The following SLC18B1 variants were observed in gnomAD, a reference collection of about 807,000 sequenced individuals.
SLC18B1 encodes MFS-type transporter SLC18B1.
A neutral mutation model predicts 53.9 loss-of-function variants in SLC18B1; 62 were observed. That is an observed-to-expected ratio of 1.15 (90% CI 0.94 to 1.42). The LOEUF is 1.42. Ranked by LOEUF, SLC18B1 falls within the 40% of genes most tolerant of loss-of-function variation. The pLI, the probability that SLC18B1 is intolerant of heterozygous loss-of-function variation, is 0.00. For synonymous variants in SLC18B1, 217 were observed against 200.9 expected (o/e 1.08, Z -0.68); for missense variants, 598 against 547.3 (o/e 1.09, Z -0.93).
At position 132,773,001 on chromosome 6, in the gene SLC18B1, A is replaced by G. The variant is rs114476826; in HGVS notation, c.1077T>C (p.Ser359=). ...CAATGGAAGTAACTTACTGTGCACAACTGAGAATTTCCGGGAAAGTTGGAA... is the reference window on the plus strand; with the variant it reads ...CAATGGAAGTAACTTACTGTGCACAGCTGAGAATTTCCGGGAAAGTTGGAA... ...SIIPTFPEIL[S]CAHENGFEEG... is the part of the protein sequence containing the mutation. Residue 359 remains serine, a synonymous_variant, in exon 10 of 14, where the codon AGT becomes AGC. Coordinates refer to ENST00000275227, the MANE Select transcript of SLC18B1 (RefSeq NM_052831.3). The G allele has an allele frequency of 3.1e-4, 499 of 1,612,798 alleles. No homozygotes were observed. In the African/African-American group the frequency reaches 5.9e-3, roughly 19 times the overall value.
At position 132,784,017 on chromosome 6, in the gene SLC18B1, A is replaced by C. The variant is rs773720026; in HGVS notation, c.574T>G (p.Phe192Val). ...PPVGGFLYQSFGYEVPFIVLG... is the reference protein window; with the variant it reads ...PPVGGFLYQSVGYEVPFIVLG... ...ACAATAAAAGGCACTTCATAGCCAA[A>C]GGATTGATACAAAAAGCCACCTACA... The change falls in exon 6 of 14, where the codon TTT (phenylalanine) becomes GTT (valine). Residue 192 changes from phenylalanine to valine, a missense_variant. By Grantham distance (50) the Phe-to-Val change is conservative. Coordinates refer to ENST00000275227, the MANE Select transcript of SLC18B1 (RefSeq NM_052831.3). The C allele has an allele frequency of 6.2e-7, 1 of 1,611,390 alleles. No homozygotes were observed. The highest frequency in any genetic ancestry group is 1.1e-5 in the South Asian group (1 of 90,698).
At chr6:132,796,923 G>T in intron 2 of SLC18B1, 59 bp downstream of exon 2, 2 of 1,529,810 alleles carry the variant, frequency 1.3e-6, no homozygotes, top group Non-Finnish European at 1.8e-6. Flanking sequence ...AATTCAAAAG[G>T]CTTTTAAAAA....
rs761516941 is a variant in SLC18B1 at position 132,776,447 on chromosome 6, T to A, written c.796-18A>T. On this transcript the variant is annotated intron_variant, in intron 7 of 13. Coordinates refer to ENST00000275227, the MANE Select transcript of SLC18B1 (RefSeq NM_052831.3). ...AAATTGAACTGTAAAAGAAATCCTATATTAAAGTTACATAATTAAGTCATT... is the reference window on the plus strand; with the variant it reads ...AAATTGAACTGTAAAAGAAATCCTAAATTAAAGTTACATAATTAAGTCATT... 3.2e-6 allele frequency: 5 copies of A among 1,577,766 alleles called. No individual in the cohort carries two copies. The highest frequency in any genetic ancestry group is 3.5e-6 in the Non-Finnish European group (4 of 1,151,658).
At chr6:132,783,074 G>A (rs59215803) in intron 6 of SLC18B1, among the ~76,000 whole-genome samples, 6,591 of 151,698 alleles carry the variant, frequency 0.043, 244 homozygotes, top group African/African-American at 0.094. Flanking sequence ...TGCGCCTAGC[G>A]AAATAATAAC....
chr6:132,796,802 T>A (rs965353743), intron 2 of SLC18B1, among the ~76,000 whole-genome samples, 180 bp downstream of exon 2: 5 of 152,002 alleles, frequency 3.3e-5, no homozygotes, highest in African/African-American at 1.2e-4. Context: ...TTTGACTGGA[T>A]TTTTTTTCCT....
intron 2 of SLC18B1, among the ~76,000 whole-genome samples, chr6:132,794,379 C>T (rs1206386841): frequency 6.6e-6 from 1 of 151,986 alleles, no homozygotes; most frequent in African/African-American, 2.4e-5. Context: ...GCTGGGATTA[C>T]AGGCGTGAGC....
At chr6:132,772,741 ATTAC>A (rs1781008063) in intron 10 of SLC18B1, among the ~76,000 whole-genome samples, 1 of 152,164 alleles carries the variant, frequency 6.6e-6, no homozygotes. Context: ...GCTTTTCAAA[ATTAC>A]TTACATACTG....
chr6:132,774,029 T>G (rs1781040982), intron 9 of SLC18B1, among the ~76,000 whole-genome samples, 193 bp downstream of exon 9: 1 of 152,216 alleles, frequency 6.6e-6, no homozygotes, highest in Non-Finnish European at 1.5e-5. Context: ...ATTTTATGCA[T>G]TTTTTTCTGT....
intron 6 of SLC18B1, among the ~76,000 whole-genome samples, chr6:132,780,485 T>C (rs7765224): frequency 0.23 from 34,714 of 151,380 alleles, 6,346 homozygotes; most frequent in African/African-American, 0.51. Context: ...ATAAACATCA[T>C]GCAGTGTGGT....
In SLC18B1 at chr6:132,796,941, A is replaced by G. The variant is rs1286121258; in HGVS notation, c.183+41T>C. ...TCAAAAGGCTTTTAAAAAACAAACA[A>G]ACAAAAAAACAGAGGTCCTAAGGAT... On this transcript the variant is annotated intron_variant, in intron 2 of 13. Coordinates refer to ENST00000275227, the MANE Select transcript of SLC18B1 (RefSeq NM_052831.3). The G allele has an allele frequency of 1.9e-6, 3 of 1,558,336 alleles. No individual in the cohort carries two copies. The African/African-American group carries it at 4.2e-5, about 22-fold the overall frequency.
At chr6:132,778,814 C>T (rs973738472) in intron 7 of SLC18B1, among the ~76,000 whole-genome samples, 3 of 151,902 alleles carry the variant, frequency 2.0e-5, no homozygotes, top group Admixed American at 1.3e-4. Context: ...TTCTCAAATC[C>T]CAGAATAATA....
chr6:132,771,034 A>G lies in SLC18B1; in HGVS notation c.1254+2T>C. On this transcript the variant is annotated splice_donor_variant, in intron 12 of 13. Transcript: ENST00000275227. LOFTEE classifies it high-confidence loss of function. ...AATGCAAATAAAAGACTGATTACTC[A>G]CACTTATCAGAGCCCATAGACCTTG... 1 of 1,612,046 alleles carries G rather than the reference A, an allele frequency of 6.2e-7. No individual in the cohort carries two copies. Among genetic ancestry groups the G allele is most frequent in the Non-Finnish European group, 8.5e-7 (1 of 1,179,538 alleles).
At chr6:132,788,759 G>T (rs1036605158) in intron 4 of SLC18B1, among the ~76,000 whole-genome samples, 2 of 149,922 alleles carry the variant, frequency 1.3e-5, no homozygotes, top group Admixed American at 1.3e-4. Context: ...GGAGGTGGAG[G>T]TTGCAGTGAG....
At chr6:132,781,044 A>T (rs1462357703) in intron 6 of SLC18B1, among the ~76,000 whole-genome samples, 14 of 152,164 alleles carry the variant, frequency 9.2e-5, no homozygotes, top group Admixed American at 9.2e-4. Context: ...AATTGTATAT[A>T]CTAAGGATGT....
At chr6:132,792,229 A>G (rs138994218) in intron 2 of SLC18B1, among the ~76,000 whole-genome samples, 16 of 1,382 alleles carry the variant, frequency 0.012, no homozygotes, top group African/African-American at 0.042. Flanking sequence ...CACTGTCAGA[A>G]AGAAAGAAAG....
chr6:132,796,194 CA>C (rs11312283), intron 2 of SLC18B1, among the ~76,000 whole-genome samples: 33,302 of 143,774 alleles, frequency 0.23, 5,955 homozygotes, highest in African/African-American at 0.51. Flanking sequence ...TAAAACAATA[CA>C]AAAAAAAAAA....
intron 1 of SLC18B1, 128 bp downstream of exon 1, chr6:132,798,286 G>T (rs1413601918): frequency 4.8e-6 from 5 of 1,031,048 alleles, no homozygotes; most frequent in South Asian, 3.1e-5. Context: ...CGAACCCCAC[G>T]ATCAGGCCCC....
At position 132,797,083 on chromosome 6, in the gene SLC18B1, AC is replaced by A; in HGVS notation, c.81del (p.Trp28GlyfsTer10). 4 of 1,614,160 alleles carry A rather than the reference AC, an allele frequency of 2.5e-6. No individual in the cohort carries two copies. Among genetic ancestry groups the A allele is most frequent in the South Asian group, 2.2e-5 (2 of 91,076 alleles). On this transcript the variant is annotated frameshift_variant, in exon 2 of 14. Coordinates refer to ENST00000275227, the MANE Select transcript of SLC18B1 (RefSeq NM_052831.3). LOFTEE classifies it high-confidence loss of function. ...ACAAAAACCTGTTCTCTCGAAAGCC[AC>A]CCGGGGGTCTCTCCTGCACTTCCTG... ...DPAGSAGETP[G>X]WLSREQVFVL... is the part of the protein sequence containing the mutation.
At chr6:132,798,388 C>G in intron 1 of SLC18B1, 26 bp downstream of exon 1, 1 of 1,516,328 alleles carries the variant, frequency 6.6e-7, no homozygotes, top group East Asian at 2.6e-5. Flanking sequence ...GGTCTCCGGG[C>G]TCCCGGCCAC....
Sources: gnomAD v4.1 joint callset for allele counts (sites outside exome capture counted in the v4.1 genomes callset) on GRCh38, gnomAD v4.1.1 for gene constraint, MANE v1.5 for transcripts, NCBI Gene and HGNC (gene_info 2026-07-23, HGNC 2026-07-21) for gene names.